ATP13A4: variants seen among roughly 807,000 people sequenced by gnomAD.
The protein encoded by ATP13A4 is ATPase 13A4.
Under a neutral mutation model 142.5 loss-of-function variants are expected in ATP13A4, and 114 were observed. The observed-to-expected ratio is 0.80, with a 90% confidence interval of 0.69 to 0.93. ATP13A4 has a LOEUF of 0.93. Among genes scored for constraint, ATP13A4 ranks in the 40% least tolerant of loss-of-function variants. The probability of loss-of-function intolerance (pLI) is 0.00; values close to 1 mark genes in which losing one functional copy is unlikely to be tolerated. For missense variants in ATP13A4, 1,392 were observed against 1,454.0 expected, an observed-to-expected ratio of 0.96 and a Z score of 0.69; for synonymous variants, 488 against 514.8, an observed-to-expected ratio of 0.95 and a Z score of 0.70.
At position 193,514,740 on chromosome 3, in the gene ATP13A4, T is replaced by C; in HGVS notation, c.192A>G (p.Pro64=). Residue 64 remains proline, a synonymous_variant, in exon 2 of 30, where the codon CCA becomes CCG. Transcript: ENST00000342695. ...CAGTGTCTGCTTCTTGCAAGGAACA[T>C]GGGACACAATGTGCCCATACGTGCC... ...PAWHVWAHCV[P]CSLQEADTVL... is the part of the protein sequence containing the mutation. The C allele has an allele frequency of 6.2e-7, 1 of 1,614,216 alleles. No homozygotes were observed. Among genetic ancestry groups the C allele is most frequent in the Non-Finnish European group, 8.5e-7 (1 of 1,180,034 alleles).
chr3:193,405,751 C>A (rs368154354), intron 29 of ATP13A4, among the ~76,000 whole-genome samples: 1 of 152,128 alleles, frequency 6.6e-6, no homozygotes, highest in Admixed American at 6.5e-5. Context: ...TAAGTCGTTA[C>A]TTGCCTACCT....
At chr3:193,494,141 T>C (rs1163827450) in intron 3 of ATP13A4, among the ~76,000 whole-genome samples, 1 of 151,920 alleles carries the variant, frequency 6.6e-6, no homozygotes, top group Non-Finnish European at 1.5e-5. Flanking sequence ...CAAATATTAA[T>C]AAAACCAAAG....
chr3:193,403,004 A>C, intron 29 of ATP13A4, 140 bp from the exon 30 acceptor site: 1 of 786,030 alleles, frequency 1.3e-6, no homozygotes, highest in East Asian at 2.7e-5. Flanking sequence ...GGACCAATCT[A>C]AGGTGGTTTC....
At chr3:193,440,229 A>G (rs891521239) in intron 21 of ATP13A4, 7 of 313,888 alleles carry the variant, frequency 2.2e-5, no homozygotes, top group African/African-American at 1.5e-4. Context: ...AGCTGAGCTC[A>G]AGCCACCTTT....
At chr3:193,444,883 C>A (rs546856092) in intron 18 of ATP13A4, among the ~76,000 whole-genome samples, 1 of 152,296 alleles carries the variant, frequency 6.6e-6, no homozygotes, top group South Asian at 2.1e-4. Context: ...TACAGGGAGC[C>A]CTGAGCGCTC....
chr3:193,576,834 T>C (rs1724407681), intron 2 of ATP13A4, among the ~76,000 whole-genome samples: 1 of 152,170 alleles, frequency 6.6e-6, no homozygotes, highest in African/African-American at 2.4e-5. Flanking sequence ...TCCATGAAGA[T>C]ATCGGTGCCT....
chr3:193,531,340 G>A (rs13322522), intron 1 of ATP13A4, among the ~76,000 whole-genome samples: 2,202 of 91,940 alleles, frequency 0.024, 108 homozygotes, highest in East Asian at 0.029. Flanking sequence ...GGAAGGAAGG[G>A]AGGAAGAGAG....
At chr3:193,506,763 C>T (rs1378564075) in intron 2 of ATP13A4, among the ~76,000 whole-genome samples, 2 of 152,142 alleles carry the variant, frequency 1.3e-5, no homozygotes, top group Non-Finnish European at 2.9e-5. Context: ...TTATAAGGGG[C>T]TTTCACCCTT....
In ATP13A4 at chr3:193,587,775, A is replaced by C. The variant is rs187325111; in HGVS notation, n.91+5246T>G. Among the ~76,000 whole-genome samples, 125 of 152,264 alleles carry C rather than the reference A, an allele frequency of 8.2e-4. 1 individual carries two copies. In the South Asian group the frequency reaches 8.7e-3, roughly 11 times the overall value. ...TTATTGCACTGAATGTAATATATTT[A>C]GTCTTAAAAATATAAACCATAATAT... On this transcript the variant is annotated intron_variant and non_coding_transcript_variant, in intron 1 of 3. Transcript: ENST00000489140.
intron 1 of ATP13A4, among the ~76,000 whole-genome samples, chr3:193,592,193 C>T (rs1379706048): frequency 2.6e-5 from 4 of 151,944 alleles, no homozygotes; most frequent in Non-Finnish European, 5.9e-5. Flanking sequence ...AAAGAGGATG[C>T]ACAGGACCCT....
Position 193,466,114 on chromosome 3 carries a change from A to G in ATP13A4, c.1183T>C (p.Tyr395His). 1 of 1,614,166 alleles carries G rather than the reference A, an allele frequency of 6.2e-7. No individual in the cohort carries two copies. The highest frequency in any genetic ancestry group is 8.5e-7 in the Non-Finnish European group (1 of 1,180,006). Residue 395 changes from tyrosine to histidine, a missense_variant, in exon 11 of 30, where the codon TAC becomes CAC. Tyr to His is a moderately conservative substitution (Grantham distance 83, BLOSUM62 2). Coordinates refer to ENST00000342695, the MANE Select transcript of ATP13A4 (RefSeq NM_032279.4). ...AGGAGGAACCTGATGGCATCCCTGT[A>G]CAACTGAAAATTCACTGGCTTAGGG... Reference protein sequence around the residue: ...LYPKPVNFQLYRDAIRFLLCL... With the variant: ...LYPKPVNFQLHRDAIRFLLCL...
intron 1 of ATP13A4, among the ~76,000 whole-genome samples, chr3:193,525,375 A>G (rs1440362726): frequency 6.6e-6 from 1 of 151,978 alleles, no homozygotes; most frequent in Non-Finnish European, 1.5e-5. Flanking sequence ...TCACACTTCC[A>G]CTCTTTGACC....
At chr3:193,444,021 A>G (rs568339488) in intron 18 of ATP13A4, among the ~76,000 whole-genome samples, 1 of 152,274 alleles carries the variant, frequency 6.6e-6, no homozygotes, top group East Asian at 1.9e-4. Flanking sequence ...AAAAAAATTG[A>G]CAAAATAATA....
At chr3:193,480,917 C>T (rs1719254572) in intron 8 of ATP13A4, among the ~76,000 whole-genome samples, 1 of 152,018 alleles carries the variant, frequency 6.6e-6, no homozygotes, top group South Asian at 2.1e-4. Context: ...GAAAATGTGG[C>T]ATATATGTAA....
chr3:193,568,965 A>G (rs1250217117), intron 2 of ATP13A4, among the ~76,000 whole-genome samples: 1 of 152,278 alleles, frequency 6.6e-6, no homozygotes, highest in African/African-American at 2.4e-5. Context: ...CTCATGCAGA[A>G]GAATTCAAAC....
At chr3:193,439,469 G>A (rs183217108) in intron 21 of ATP13A4, among the ~76,000 whole-genome samples, 19 of 152,116 alleles carry the variant, frequency 1.2e-4, no homozygotes, top group African/African-American at 2.7e-4. Flanking sequence ...ATTTTGCTAC[G>A]AAGGGCTATG....
At chr3:193,473,454 T>C (rs1462434542) in intron 8 of ATP13A4, among the ~76,000 whole-genome samples, 4 of 152,192 alleles carry the variant, frequency 2.6e-5, no homozygotes, top group Non-Finnish European at 5.9e-5. Context: ...ATCAAAGTAA[T>C]AATTAATTTG....
At chr3:193,542,134 G>A (rs1056488297) in intron 1 of ATP13A4, among the ~76,000 whole-genome samples, 1 of 152,116 alleles carries the variant, frequency 6.6e-6, no homozygotes, top group Non-Finnish European at 1.5e-5. Context: ...AAAGTCTCAG[G>A]ATACAAAATC....
At chr3:193,587,596 T>C (rs999554349) in intron 1 of ATP13A4, among the ~76,000 whole-genome samples, 3 of 152,202 alleles carry the variant, frequency 2.0e-5, no homozygotes, top group South Asian at 2.1e-4. Context: ...TTTGCAAGTA[T>C]ATAGAAACAC....
Sources: gnomAD v4.1 joint callset for allele counts (sites outside exome capture counted in the v4.1 genomes callset) on GRCh38, gnomAD v4.1.1 for gene constraint, MANE v1.5 for transcripts, NCBI Gene and HGNC (gene_info 2026-07-23, HGNC 2026-07-21) for gene names.